The following DENND6A variants were observed in gnomAD, a reference collection of about 807,000 sequenced individuals.
DENND6A encodes DENN domain containing 6A.
Under a neutral mutation model 95.5 loss-of-function variants are expected in DENND6A, and 43 were observed. The ratio of observed to expected loss-of-function variants is 0.45; its 90% CI spans 0.35 to 0.58. DENND6A has a LOEUF of 0.58. Ranked by LOEUF, DENND6A falls within the 20% of genes least tolerant of loss-of-function variation. DENND6A has a pLI of 0.00. For missense variants in DENND6A, 574 were observed against 736.0 expected, an observed-to-expected ratio of 0.78 and a Z score of 2.55; for synonymous variants, 257 against 260.4, an observed-to-expected ratio of 0.99 and a Z score of 0.13.
At chr3:57,645,259 G>A (rs750766565) in intron 11 of DENND6A, among the ~76,000 whole-genome samples, 1 of 151,852 alleles carries the variant, frequency 6.6e-6, no homozygotes, top group Non-Finnish European at 1.5e-5. Context: ...TCAGGAATTC[G>A]AGATCAGCCT....
rs746304912 is a variant in DENND6A, at chr3:57,630,383, C to G, written c.1620+38G>C. 4 of 1,498,502 alleles carry G rather than the reference C, an allele frequency of 2.7e-6. No individual in the cohort carries two copies. The South Asian group carries it at 5.1e-5, about 19-fold the overall frequency. 92.8% of individuals were successfully genotyped at this position (1,498,502 alleles called of 1,614,324 possible). ...TAAGCATAATTATCTTTATTTTCAA[C>G]AGTTGTTAATCATTACACAAACACA... On this transcript the variant is annotated intron_variant, in intron 18 of 19. Coordinates refer to ENST00000311128, the MANE Select transcript of DENND6A (RefSeq NM_152678.3).
rs765576525 is a variant in DENND6A, at chr3:57,659,180, C to T, written c.700G>A (p.Val234Ile). The change falls in exon 8 of 20, where the codon GTA (valine) becomes ATA (isoleucine). Residue 234 changes from valine (V) to isoleucine (I), a missense_variant and splice_region_variant. Physicochemically the swap from Val to Ile is conservative, Grantham distance 29. Transcript: ENST00000311128. ...HLPIMGVVMKVRIPTCHDKPG... is the reference protein window; with the variant it reads ...HLPIMGVVMKIRIPTCHDKPG... ...TTGTCATGACATGTGGGAATCCGTA[C>T]CTAAAAGAAAGACAGGAAATTATTT... is the stretch of plus-strand genomic sequence containing the variant. The T allele has an allele frequency of 1.2e-6, 2 of 1,613,652 alleles. No individual in the cohort carries two copies. Among genetic ancestry groups the T allele is most frequent in the Non-Finnish European group, 1.7e-6 (2 of 1,179,920 alleles).
At chr3:57,690,717 A>G (rs2077256469) in intron 1 of DENND6A, among the ~76,000 whole-genome samples, 1 of 151,886 alleles carries the variant, frequency 6.6e-6, no homozygotes, top group Non-Finnish European at 1.5e-5. Context: ...GAAGGGGAAG[A>G]AGGCAGTTTG....
chr3:57,631,540 A>G (rs2153411960), intron 15 of DENND6A, among the ~76,000 whole-genome samples: 1 of 152,102 alleles, frequency 6.6e-6, no homozygotes, highest in East Asian at 1.9e-4. Flanking sequence ...CTGAGCAACT[A>G]TAGGCCAGAT....
chr3:57,644,163 A>C (rs1238589745), intron 11 of DENND6A, among the ~76,000 whole-genome samples: 1 of 152,004 alleles, frequency 6.6e-6, no homozygotes, highest in Non-Finnish European at 1.5e-5. Context: ...AAAAAAAAAA[A>C]AAAACTATCA....
At chr3:57,659,039 ACT>A (rs1223741735) in intron 8 of DENND6A, 77 bp downstream of exon 8, 2 of 1,327,464 alleles carry the variant, frequency 1.5e-6, no homozygotes, top group Admixed American at 1.8e-5. Flanking sequence ...AACTCAAGAA[ACT>A]CTGCATTTGC....
At chr3:57,641,510 G>T in intron 12 of DENND6A, 143 bp downstream of exon 12, 1 of 479,180 alleles carries the variant, frequency 2.1e-6, no homozygotes, top group Non-Finnish European at 3.5e-6. Context: ...ATATTTTAGT[G>T]GGAAATTAGC....
intron 1 of DENND6A, among the ~76,000 whole-genome samples, chr3:57,692,073 A>G (rs2077271322): frequency 6.6e-6 from 1 of 151,944 alleles, no homozygotes; most frequent in Admixed American, 6.6e-5. Context: ...TCTATTAAAA[A>G]TACAAAATTA....
Position 57,663,663 on chromosome 3 carries a change from T to G in DENND6A, c.486A>C (p.Lys162Asn). 6.3e-7 allele frequency: 1 copy of G among 1,587,870 alleles called. No individual in the cohort carries two copies. The highest frequency in any genetic ancestry group is 8.6e-7 in the Non-Finnish European group (1 of 1,166,228). The part of the protein sequence containing the change: ...GYVYFRQVRD[K>N]TLKRGYFQKS... ...TCTGAAAGTAGCCTCTTTTTAGAGT[T>G]TTATCTCGAACTTGTCGGAAATACA... Residue 162 changes from lysine (K) to asparagine (N), a missense_variant, in exon 5 of 20, where the codon AAA becomes AAC. Coordinates refer to ENST00000311128, the MANE Select transcript of DENND6A (RefSeq NM_152678.3).
intron 1 of DENND6A, among the ~76,000 whole-genome samples, chr3:57,687,660 T>A (rs1204256965): frequency 6.6e-6 from 1 of 152,144 alleles, no homozygotes; most frequent in East Asian, 1.9e-4. Context: ...CAGCCAGGTG[T>A]GGTCGCTCAT....
intron 2 of DENND6A, 48 bp downstream of exon 2, chr3:57,672,352 C>A: frequency 6.2e-7 from 1 of 1,609,244 alleles, no homozygotes; most frequent in Non-Finnish European, 8.5e-7. Flanking sequence ...TCAATAAAAA[C>A]AAACAGAAAT....
chr3:57,660,003 T>C (rs2071393074), intron 7 of DENND6A, among the ~76,000 whole-genome samples: 1 of 152,206 alleles, frequency 6.6e-6, no homozygotes, highest in Admixed American at 6.5e-5. Context: ...ATGACACTCT[T>C]CTGCAAACTC....
At chr3:57,684,912 T>C (rs1472777924) in intron 1 of DENND6A, among the ~76,000 whole-genome samples, 2 of 151,940 alleles carry the variant, frequency 1.3e-5, no homozygotes, top group Non-Finnish European at 2.9e-5. Context: ...AAGATCACAC[T>C]GGGCAACACA....
intron 3 of DENND6A, among the ~76,000 whole-genome samples, chr3:57,667,611 G>C (rs1222117429): frequency 6.6e-6 from 1 of 152,158 alleles, no homozygotes; most frequent in Non-Finnish European, 1.5e-5. Flanking sequence ...GTTAAGCTAG[G>C]TTGCTGAGAA....
intron 12 of DENND6A, 132 bp from the exon 13 acceptor site, chr3:57,634,901 T>C: frequency 1.5e-6 from 1 of 671,706 alleles, no homozygotes; most frequent in Non-Finnish European, 2.3e-6. Context: ...CATCTATTAA[T>C]ATGTTAAGGG....
chr3:57,665,343 T>G (rs1262087321), intron 4 of DENND6A, among the ~76,000 whole-genome samples: 1 of 152,216 alleles, frequency 6.6e-6, no homozygotes, highest in African/African-American at 2.4e-5. Context: ...GGTAAGTTTC[T>G]TATGCTCAAT....
intron 3 of DENND6A, among the ~76,000 whole-genome samples, chr3:57,666,695 T>C (rs1165340147): frequency 6.6e-6 from 1 of 152,358 alleles, no homozygotes; most frequent in East Asian, 1.9e-4. Context: ...AGTATTGTTA[T>C]AAGAAAGGAT....
At chr3:57,653,010 T>G (rs1358639024) in intron 9 of DENND6A, among the ~76,000 whole-genome samples, 2 of 152,222 alleles carry the variant, frequency 1.3e-5, no homozygotes, top group Non-Finnish European at 2.9e-5. Flanking sequence ...TTATCAATGT[T>G]GATTTTACCA....
At chr3:57,645,840 G>T in intron 10 of DENND6A, 84 bp from the exon 11 acceptor site, 1 of 931,866 alleles carries the variant, frequency 1.1e-6, no homozygotes. Flanking sequence ...TATACAAACG[G>T]TATACACACA....
Sources: gnomAD v4.1 joint callset for allele counts (sites outside exome capture counted in the v4.1 genomes callset) on GRCh38, gnomAD v4.1.1 for gene constraint, MANE v1.5 for transcripts, NCBI Gene and HGNC (gene_info 2026-07-23, HGNC 2026-07-21) for gene names.